The following PARP12 variants were observed in gnomAD, a reference collection of about 807,000 sequenced individuals.
PARP12 encodes the protein protein mono-ADP-ribosyltransferase PARP12.
PARP12 carries 59 observed loss-of-function variants against 72.4 expected under a neutral mutation model. The observed-to-expected ratio is 0.81, with a 90% CI of 0.66 to 1.01. The LOEUF is 1.01. Ranked by LOEUF, PARP12 falls within the 50% of genes least tolerant of loss-of-function variation. The pLI is 0.00. For synonymous variants in PARP12, 403 were observed against 371.4 expected, an observed-to-expected ratio of 1.09 and a Z score of -0.98; for missense variants, 851 against 914.0, an observed-to-expected ratio of 0.93 and a Z score of 0.89.
chr7:140,038,528 T>C (rs979903804), intron 6 of PARP12, among the ~76,000 whole-genome samples: 4 of 152,102 alleles, frequency 2.6e-5, no homozygotes, highest in African/African-American at 9.7e-5. Context: ...ATTCATCCCT[T>C]TATACAACAG....
chr7:140,033,550 G>T (rs961834885), intron 8 of PARP12: 2 of 985,296 alleles, frequency 2.0e-6, no homozygotes, highest in Non-Finnish European at 2.4e-6. Context: ...TGGCTGTGTG[G>T]TTTGGAGAAC....
At chr7:140,062,463 G>A in intron 1 of PARP12, 59 bp downstream of exon 1, 4 of 1,469,818 alleles carry the variant, frequency 2.7e-6, no homozygotes, top group Non-Finnish European at 3.6e-6. Context: ...AAGCGGGCTG[G>A]AAGTGCGTGA....
chr7:140,035,953 C>T (rs140330699), intron 7 of PARP12, among the ~76,000 whole-genome samples: 2 of 20,994 alleles, frequency 9.5e-5, no homozygotes, highest in South Asian at 2.1e-3. Flanking sequence ...AGGAGGAGGA[C>T]GAGGAGGAGG....
intron 4 of PARP12, 84 bp from the exon 5 acceptor site, chr7:140,047,091 G>T: frequency 1.4e-6 from 2 of 1,442,454 alleles, no homozygotes; most frequent in Non-Finnish European, 1.9e-6. Flanking sequence ...GTGTGGTGCT[G>T]CCCACTGACC....
At chr7:140,037,310 C>A (rs62490136) in intron 7 of PARP12, among the ~76,000 whole-genome samples, 1 of 152,288 alleles carries the variant, frequency 6.6e-6, no homozygotes, top group Admixed American at 6.5e-5. Context: ...GGTGACAGAG[C>A]GAGACTCCGT....
At chr7:140,035,987 GAGGAGGAGGAGGAGA>G (rs1816164140) in intron 7 of PARP12, among the ~76,000 whole-genome samples, 4 of 64,880 alleles carry the variant, frequency 6.2e-5, no homozygotes, top group East Asian at 6.1e-4. Context: ...GGAGGAGGAG[GAGGAGGAGGAGGAGA>G]AGGAGGAGAA....
At chr7:140,054,013 C>A (rs775791022) in intron 4 of PARP12, among the ~76,000 whole-genome samples, 1 of 152,126 alleles carries the variant, frequency 6.6e-6, no homozygotes, top group Non-Finnish European at 1.5e-5. Context: ...TTTTTAAAAA[C>A]TGAAAATGAA....
intron 10 of PARP12, 33 bp downstream of exon 10, chr7:140,027,243 T>C (rs113550438): frequency 0.048 from 76,350 of 1,602,254 alleles, 2,815 homozygotes; most frequent in African/African-American, 0.19. Context: ...AGGGACAGAG[T>C]CACCAGCCCA....
At chr7:140,030,045 T>C (rs569280794) in intron 8 of PARP12, among the ~76,000 whole-genome samples, 2 of 152,258 alleles carry the variant, frequency 1.3e-5, no homozygotes, top group African/African-American at 4.8e-5. Context: ...ATCTCAACCA[T>C]GATAAATAAA....
chr7:140,045,319 T>C (rs572925595), intron 5 of PARP12, among the ~76,000 whole-genome samples: 1 of 152,368 alleles, frequency 6.6e-6, no homozygotes, highest in East Asian at 1.9e-4. Flanking sequence ...AGGTATGAGC[T>C]GCTGCGCTCG....
intron 8 of PARP12, chr7:140,034,023 G>C (rs1569526726): frequency 8.3e-7 from 1 of 1,203,546 alleles, no homozygotes; most frequent in Non-Finnish European, 1.0e-6. Context: ...ACAACAGGCA[G>C]CCTTCTAATT....
chr7:140,056,720 A>G, intron 3 of PARP12, 136 bp downstream of exon 3: 1 of 886,632 alleles, frequency 1.1e-6, no homozygotes, highest in Non-Finnish European at 1.7e-6. Context: ...AGCATCATCA[A>G]CTCCATTTTA....
intron 6 of PARP12, among the ~76,000 whole-genome samples, chr7:140,039,632 A>C (rs1333715628): frequency 6.6e-6 from 1 of 152,228 alleles, no homozygotes; most frequent in Non-Finnish European, 1.5e-5. Context: ...GTACTTCTTG[A>C]GCTCAGACAG....
At chr7:140,060,496 A>G (rs1817400427) in intron 1 of PARP12, among the ~76,000 whole-genome samples, 1 of 152,212 alleles carries the variant, frequency 6.6e-6, no homozygotes, top group Admixed American at 6.5e-5. Flanking sequence ...ACCTGTGTAA[A>G]CCACAAGGAA....
At chr7:140,027,684 T>C (rs1815788875) in intron 9 of PARP12, 2 of 264,276 alleles carry the variant, frequency 7.6e-6, no homozygotes, top group South Asian at 1.0e-4. Context: ...CAGTATGTTG[T>C]GCCACTTTAA....
chr7:140,028,896 G>T, intron 8 of PARP12: 1 of 411,974 alleles, frequency 2.4e-6, no homozygotes, highest in Non-Finnish European at 4.5e-6. Flanking sequence ...ACTCCAAACA[G>T]TCCTGAGAGA....
intron 3 of PARP12, among the ~76,000 whole-genome samples, chr7:140,055,317 A>ATCTT (rs1817135959): frequency 6.6e-6 from 1 of 152,226 alleles, no homozygotes. Flanking sequence ...AAGAGTAATA[A>ATCTT]AAAGAAAGTC....
intron 5 of PARP12, among the ~76,000 whole-genome samples, chr7:140,046,273 G>T (rs936237862): frequency 2.0e-5 from 3 of 152,142 alleles, no homozygotes; most frequent in African/African-American, 7.2e-5. Context: ...CACTCAAAAA[G>T]CAGGCTCAAA....
At position 140,027,302 on chromosome 7, in the gene PARP12, G is replaced by A; in HGVS notation, c.1602C>T (p.Asn534=). The A allele has an allele frequency of 1.2e-6, 2 of 1,614,024 alleles. No individual in the cohort carries two copies. The highest frequency in any genetic ancestry group is 1.7e-6 in the Non-Finnish European group (2 of 1,179,946). Residue 534 remains asparagine (N), a synonymous_variant, in exon 10 of 12, where the codon AAC becomes AAT. Transcript: ENST00000263549. ...ACTGGTAGACTTCCCAGAGGGCCAG[G>A]TTCTGTACTCGCTCAATCTTCTGAA... The part of the protein sequence containing the change: ...YFVQKIERVQ[N]LALWEVYQWQ...
Sources: gnomAD v4.1 joint callset for allele counts (sites outside exome capture counted in the v4.1 genomes callset) on GRCh38, gnomAD v4.1.1 for gene constraint, MANE v1.5 for transcripts, NCBI Gene and HGNC (gene_info 2026-07-23, HGNC 2026-07-21) for gene names.